Variants in CIP2A observed in about 807,000 individuals in gnomAD.
The protein encoded by CIP2A is cellular inhibitor of PP2A.
A neutral mutation model predicts 110.9 loss-of-function variants in CIP2A; 103 were observed. That is an observed-to-expected ratio of 0.93 (90% confidence interval 0.79 to 1.09). CIP2A has a LOEUF of 1.09. CIP2A is among the 50% of genes least tolerant of loss of function. The pLI is 0.00. For missense variants in CIP2A, 1,088 were observed against 1,038.4 expected, an observed-to-expected ratio of 1.05 and a Z score of -0.66; for synonymous variants, 381 against 361.6, an observed-to-expected ratio of 1.05 and a Z score of -0.61.
chr3:108,575,559 T>TAG (rs1938573091), intron 8 of CIP2A, among the ~76,000 whole-genome samples: 1 of 85,640 alleles, frequency 1.2e-5, no homozygotes, highest in Non-Finnish European at 2.7e-5. Context: ...TGTGTATATA[T>TAG]ACGTGTATAT....
At chr3:108,576,508 C>A (rs530402994) in intron 7 of CIP2A, among the ~76,000 whole-genome samples, 162 bp from the exon 8 acceptor site, 1 of 152,216 alleles carries the variant, frequency 6.6e-6, no homozygotes, top group Admixed American at 6.5e-5. Context: ...ATACTTAAAA[C>A]ATATGTCTTA....
At chr3:108,578,527 T>G (rs920565187) in intron 7 of CIP2A, among the ~76,000 whole-genome samples, 3 of 152,240 alleles carry the variant, frequency 2.0e-5, no homozygotes, top group Non-Finnish European at 2.9e-5. Flanking sequence ...GATTCTATGT[T>G]TCTTAAACAT....
intron 9 of CIP2A, among the ~76,000 whole-genome samples, chr3:108,568,816 G>T (rs1230584876): frequency 6.6e-6 from 1 of 151,844 alleles, no homozygotes; most frequent in East Asian, 1.9e-4. Flanking sequence ...ACACATATTT[G>T]TTTGTGTGTA....
At chr3:108,563,346 C>G (rs1938072753) in intron 12 of CIP2A, 102 bp from the exon 13 acceptor site, 1 of 723,130 alleles carries the variant, frequency 1.4e-6, no homozygotes, top group African/African-American at 1.8e-5. Context: ...TAATTCTAGG[C>G]AAATTCTAAA....
intron 8 of CIP2A, chr3:108,574,639 T>C (rs1193821159): frequency 6.5e-6 from 1 of 152,910 alleles, no homozygotes; most frequent in Non-Finnish European, 1.5e-5. Flanking sequence ...AGCTGCCTCC[T>C]TGGTAGTATA....
chr3:108,557,467 C>A (rs1170200719), intron 16 of CIP2A, 53 bp from the exon 17 acceptor site: 2 of 1,293,212 alleles, frequency 1.5e-6, no homozygotes, highest in South Asian at 3.4e-5. Flanking sequence ...ATCATATGCT[C>A]AACACATACC....
intron 7 of CIP2A, among the ~76,000 whole-genome samples, chr3:108,576,825 T>TGG (rs944206822): frequency 1.3e-5 from 2 of 152,164 alleles, no homozygotes; most frequent in African/African-American, 4.8e-5. Flanking sequence ...AGAGGTACTG[T>TGG]GGGACCCCTA....
chr3:108,560,878 C>A, intron 13 of CIP2A, 37 bp from the exon 14 acceptor site: 1 of 1,407,196 alleles, frequency 7.1e-7, no homozygotes, highest in Non-Finnish European at 9.5e-7. Flanking sequence ...AAAAATTATA[C>A]GAAAATAGAA....
At position 108,565,421 on chromosome 3, in the gene CIP2A, AAG is replaced by A. The variant is rs774957724; in HGVS notation, c.1447_1448del (p.Leu483Ter). The A allele has an allele frequency of 5.6e-6, 9 of 1,597,522 alleles. No individual in the cohort carries two copies. The highest frequency in any genetic ancestry group is 6.8e-6 in the Non-Finnish European group (8 of 1,171,726). ...KLAADVILKT[L>X]DLINKLKPLV... The stretch of plus-strand genomic sequence containing the variant: ...ATGGTTTAAGTTTGTTAATCAAATC[AAG>A]AGTTTTCAAAATTACATCAGCAGCA... On this transcript the variant is annotated frameshift_variant, in exon 12 of 21. Transcript: ENST00000295746. LOFTEE classifies it high-confidence loss of function.
chr3:108,571,002 GT>G (rs1404806262), intron 8 of CIP2A, among the ~76,000 whole-genome samples: 1 of 151,020 alleles, frequency 6.6e-6, no homozygotes, highest in Non-Finnish European at 1.5e-5. Context: ...AACTTTTTTT[GT>G]TAAAAACAAA....
In CIP2A at chr3:108,569,480, G is replaced by C. The variant is rs1333946791; in HGVS notation, c.1022C>G (p.Thr341Ser). The change falls in exon 9 of 21, where the codon ACT becomes AGT. Residue 341 changes from threonine to serine, a missense_variant. Transcript: ENST00000295746. The part of the protein sequence containing the change: ...LGSHTKCLEP[T>S]VALLRWLSQP... ...GCTTAACCAGCGCAGTAGAGCCACA[G>C]TAGGTTCTAAACATTTAGTATGGCT... 1 of 1,612,742 alleles carries C rather than the reference G, an allele frequency of 6.2e-7. No homozygotes were observed. Among genetic ancestry groups the C allele is most frequent in the East Asian group, 2.2e-5 (1 of 44,804 alleles).
chr3:108,575,632 G>T (rs1938582690), intron 8 of CIP2A, among the ~76,000 whole-genome samples: 1 of 121,222 alleles, frequency 8.2e-6, no homozygotes, highest in Non-Finnish European at 1.7e-5. Flanking sequence ...ATATATACGT[G>T]TATATATACT....
chr3:108,575,285 T>C (rs1013404633), intron 8 of CIP2A, among the ~76,000 whole-genome samples: 27 of 130,764 alleles, frequency 2.1e-4, no homozygotes, highest in Admixed American at 1.0e-3. Flanking sequence ...CACACACGTG[T>C]ACGTACACAC....
chr3:108,582,411 C>A (rs1418019137), intron 3 of CIP2A, among the ~76,000 whole-genome samples: 1 of 152,176 alleles, frequency 6.6e-6, no homozygotes, highest in East Asian at 1.9e-4. Context: ...TGGTTATCAA[C>A]CTTGTTCACT....
rs777673889 is a variant in CIP2A, at chr3:108,585,097, A to T, written c.218T>A (p.Ile73Asn). 1.2e-5 allele frequency: 19 copies of T among 1,613,102 alleles called. No homozygotes were observed. Among genetic ancestry groups the T allele is most frequent in the Non-Finnish European group, 1.6e-5 (19 of 1,179,470 alleles). Reference sequence around the variant, plus strand: ...AGACAGCAAACCGATAATACTTAAGATCAGTGAAGCACTTATGTTGGGGTC... The same window carrying T: ...AGACAGCAAACCGATAATACTTAAGTTCAGTGAAGCACTTATGTTGGGGTC... ...LEDPNISASL[I>N]LSIIGLLSQL... Residue 73 changes from isoleucine to asparagine, a missense_variant, in exon 2 of 21, where the codon ATC becomes AAC. By Grantham distance (149) the Ile-to-Asn change is moderately radical. Coordinates refer to ENST00000295746, the MANE Select transcript of CIP2A (RefSeq NM_020890.3).
rs1028627172 is a variant in CIP2A, at chr3:108,552,257, T to C, written c.2524A>G (p.Ile842Val). The change falls in exon 20 of 21, where the codon ATA (isoleucine) becomes GTA (valine). Residue 842 changes from isoleucine to valine, a missense_variant. Physicochemically the swap from Ile to Val is conservative, Grantham distance 29. Coordinates refer to ENST00000295746, the MANE Select transcript of CIP2A (RefSeq NM_020890.3). ...ACCTTAATGCTCAACTCTTTTCTTA[T>C]CTGTTCTGTTCTGCTTAATTCTTTT... ...LRKELSRTEQ[I>V]RKELSIKASS... 1.9e-6 allele frequency: 3 copies of C among 1,564,754 alleles called. No individual in the cohort carries two copies. Among genetic ancestry groups the C allele is most frequent in the Non-Finnish European group, 2.6e-6 (3 of 1,159,278 alleles).
At chr3:108,576,561 A>G (rs1272472641) in intron 7 of CIP2A, among the ~76,000 whole-genome samples, 1 of 152,208 alleles carries the variant, frequency 6.6e-6, no homozygotes, top group Non-Finnish European at 1.5e-5. Flanking sequence ...TTATTAAAAC[A>G]TAGTGATTCA....
At position 108,554,409 on chromosome 3, in the gene CIP2A, T is replaced by C; in HGVS notation, c.2291A>G (p.Lys764Arg). The C allele has an allele frequency of 6.4e-7, 1 of 1,550,776 alleles. No individual in the cohort carries two copies. The highest frequency in any genetic ancestry group is 8.9e-7 in the Non-Finnish European group (1 of 1,127,918). The change falls in exon 18 of 21, where the codon AAG becomes AGG. Residue 764 changes from lysine (K) to arginine (R), a missense_variant. Transcript: ENST00000295746. ...TTGTTCCTTGAGTGACTCATTCAAC[T>C]TTTTCACTGTCTCAATTTGTTTATT... The part of the protein sequence containing the change: ...SLNKQIETVK[K>R]LNESLKEQNE...
At chr3:108,575,074 T>C (rs996011696) in intron 8 of CIP2A, 2 of 152,176 alleles carry the variant, frequency 1.3e-5, no homozygotes, top group African/African-American at 2.4e-5. Flanking sequence ...GGGTGTTCAC[T>C]GTAATGTCCC....
Sources: gnomAD v4.1 joint callset for allele counts (sites outside exome capture counted in the v4.1 genomes callset) on GRCh38, gnomAD v4.1.1 for gene constraint, MANE v1.5 for transcripts, NCBI Gene and HGNC (gene_info 2026-07-23, HGNC 2026-07-21) for gene names.